Variants in SLIT3 observed in about 807,000 individuals in gnomAD.
The protein encoded by SLIT3 is slit guidance ligand 3.
Under a neutral mutation model 184.0 loss-of-function variants are expected in SLIT3, and 68 were observed. That is an observed-to-expected ratio of 0.37 (90% CI 0.30 to 0.45). SLIT3 has a LOEUF of 0.45. Among genes scored for constraint, SLIT3 ranks in the 20% least tolerant of loss-of-function variants. The probability of loss-of-function intolerance (pLI) is 1.00; values close to 1 mark genes in which losing one functional copy is unlikely to be tolerated. For missense variants in SLIT3, 1,707 were observed against 2,026.0 expected (o/e 0.84, Z 3.02); for synonymous variants, 831 against 828.6 (o/e 1.00, Z -0.05).
intron 4 of SLIT3, among the ~76,000 whole-genome samples, chr5:169,027,509 T>C (rs58490069): frequency 0.16 from 24,236 of 152,148 alleles, 2,350 homozygotes; most frequent in East Asian, 0.51. Context: ...GTTGATGAAG[T>C]CAATCAATGG....
intron 4 of SLIT3, among the ~76,000 whole-genome samples, chr5:169,135,015 T>C (rs987948434): frequency 6.6e-6 from 1 of 152,248 alleles, no homozygotes; most frequent in Admixed American, 6.5e-5. Context: ...ATACATGGAC[T>C]ATGTGTTGTG....
intron 35 of SLIT3, 99 bp downstream of exon 35, chr5:168,669,684 C>G (rs1761174588): frequency 1.0e-6 from 1 of 952,666 alleles, no homozygotes; most frequent in Non-Finnish European, 1.6e-6. Context: ...GGTCATGCAG[C>G]CTTTAAGTGG....
intron 1 of SLIT3, among the ~76,000 whole-genome samples, chr5:169,259,000 T>A (rs1766071764): frequency 6.6e-6 from 1 of 152,238 alleles, no homozygotes; most frequent in Admixed American, 6.5e-5. Flanking sequence ...GAACTCCCAT[T>A]GTTGTTGCTG....
At chr5:168,817,194 C>A (rs1757359714) in intron 8 of SLIT3, 106 bp downstream of exon 8, 10 of 1,061,176 alleles carry the variant, frequency 9.4e-6, no homozygotes, top group Non-Finnish European at 1.4e-5. Context: ...TCCTTCCACA[C>A]CAAGCTCTGG....
Position 168,857,769 on chromosome 5 carries a change from G to A in SLIT3, c.486-13114C>T, listed in dbSNP as rs146740998. ...AGGGGGTCGGAGGGCTGAACAGCAGGGTGGAAAAAAACACAAGTATGAATG... is the reference window on the plus strand; with the variant it reads ...AGGGGGTCGGAGGGCTGAACAGCAGAGTGGAAAAAAACACAAGTATGAATG... On this transcript the variant is annotated intron_variant, in intron 5 of 35. Coordinates refer to ENST00000519560, the MANE Select transcript of SLIT3 (RefSeq NM_003062.4). 7.3e-3 allele frequency among the ~76,000 whole-genome samples: 1,110 copies of A among 152,244 alleles called. 10 individuals are homozygous for A. Among genetic ancestry groups the A allele is most frequent in the African/African-American group, 0.025 (1,053 of 41,538 alleles).
intron 17 of SLIT3, 27 bp downstream of exon 17, chr5:168,753,837 G>T: frequency 6.2e-7 from 1 of 1,603,864 alleles, no homozygotes; most frequent in Non-Finnish European, 8.5e-7. Flanking sequence ...TCTGGGTCTT[G>T]GCCCAGGCCC....
chr5:169,107,717 C>T (rs1256832332), intron 4 of SLIT3, among the ~76,000 whole-genome samples: 1 of 152,228 alleles, frequency 6.6e-6, no homozygotes, highest in East Asian at 1.9e-4. Context: ...GTAAGAACAG[C>T]CACCTGGCTC....
chr5:169,018,873 G>A (rs939619699), intron 4 of SLIT3, among the ~76,000 whole-genome samples: 3 of 152,136 alleles, frequency 2.0e-5, no homozygotes, highest in Non-Finnish European at 4.4e-5. Context: ...CACGCTGACG[G>A]CTGTCTGGGA....
intron 4 of SLIT3, among the ~76,000 whole-genome samples, chr5:169,019,692 C>G (rs1756525850): frequency 6.6e-6 from 1 of 152,274 alleles, no homozygotes; most frequent in East Asian, 1.9e-4. Flanking sequence ...CTCCTGGGCC[C>G]CAACTCCAAA....
intron 4 of SLIT3, among the ~76,000 whole-genome samples, chr5:169,165,608 A>T (rs773127823): frequency 6.6e-6 from 1 of 152,192 alleles, no homozygotes. Flanking sequence ...CCAAATATGC[A>T]TATGGCTCCT....
chr5:168,970,032 T>A (rs1020058098), intron 4 of SLIT3, among the ~76,000 whole-genome samples: 1 of 151,710 alleles, frequency 6.6e-6, no homozygotes, highest in East Asian at 1.9e-4. Context: ...ATACAAAAAA[T>A]TAGCCGGGTG....
At chr5:168,821,652 G>A (rs187237797) in intron 7 of SLIT3, among the ~76,000 whole-genome samples, 1 of 152,328 alleles carries the variant, frequency 6.6e-6, no homozygotes, top group East Asian at 1.9e-4. Context: ...AAGCAAAGAT[G>A]GAAGCAGGGC....
intron 4 of SLIT3, among the ~76,000 whole-genome samples, chr5:168,978,692 G>A (rs1390227584): frequency 6.6e-6 from 1 of 152,176 alleles, no homozygotes; most frequent in African/African-American, 2.4e-5. Flanking sequence ...ATTATTAGAG[G>A]AGGGATGACA....
In SLIT3 at chr5:168,883,278, C is replaced by A. The variant is rs534754485; in HGVS notation, c.472G>T (p.Asp158Tyr). 1.9e-6 allele frequency: 3 copies of A among 1,613,936 alleles called. No individual in the cohort carries two copies. Among genetic ancestry groups the A allele is most frequent in the Non-Finnish European group, 1.7e-6 (2 of 1,179,786 alleles). ...IPRKAFRGITDVKNLQLDNNH... is the reference protein window; with the variant it reads ...IPRKAFRGITYVKNLQLDNNH... ...AACATCACTTACAGGTTCTTCACAT[C>A]GGTGATGCCGCGGAACGCCTTCCTC... The change falls in exon 5 of 36, where the codon GAT becomes TAT. Residue 158 changes from aspartate to tyrosine, a missense_variant. By Grantham distance (160) the Asp-to-Tyr change is radical. Coordinates refer to ENST00000519560, the MANE Select transcript of SLIT3 (RefSeq NM_003062.4).
Position 169,226,152 on chromosome 5 carries a change from C to T in SLIT3, c.341+18553G>A, listed in dbSNP as rs1295652006. On this transcript the variant is annotated intron_variant, in intron 3 of 35. Transcript: ENST00000519560. ...ACGATACAGATGTGGAATCCCCATC[C>T]TTATGCCCACTAACCACTTACAGCT... 2.0e-5 allele frequency among the ~76,000 whole-genome samples: 3 copies of T among 152,240 alleles called. 1 individual carries two copies. Among genetic ancestry groups the T allele is most frequent in the Middle Eastern group, 6.8e-3 (2 of 294 alleles).
intron 4 of SLIT3, among the ~76,000 whole-genome samples, chr5:169,173,691 T>C (rs1432551620): frequency 6.6e-6 from 1 of 152,234 alleles, no homozygotes; most frequent in East Asian, 1.9e-4. Flanking sequence ...AGATGTATTT[T>C]CCCTATTTTC....
intron 4 of SLIT3, among the ~76,000 whole-genome samples, chr5:169,177,592 C>T (rs1763023382): frequency 6.6e-6 from 1 of 152,152 alleles, no homozygotes; most frequent in African/African-American, 2.4e-5. Context: ...TGGTCAGGTC[C>T]TCAGTGGCTG....
intron 20 of SLIT3, among the ~76,000 whole-genome samples, chr5:168,740,192 G>C (rs1196733015): frequency 6.6e-6 from 1 of 152,144 alleles, no homozygotes; most frequent in Non-Finnish European, 1.5e-5. Flanking sequence ...AGGGCAACTG[G>C]TACTGTAGCC....
At chr5:169,215,731 A>T (rs1440583348) in intron 3 of SLIT3, among the ~76,000 whole-genome samples, 1 of 152,218 alleles carries the variant, frequency 6.6e-6, no homozygotes, top group Non-Finnish European at 1.5e-5. Flanking sequence ...TTCCTGAATA[A>T]AGAAGGAAAG....
Sources: allele counts gnomAD v4.1 joint callset (sites outside exome capture counted in the v4.1 genomes callset), GRCh38; gene constraint gnomAD v4.1.1; transcripts MANE v1.5; gene names NCBI Gene and HGNC (gene_info 2026-07-23, HGNC 2026-07-21).